Variants in DYNC1I1 observed in about 807,000 individuals in gnomAD.
The protein encoded by DYNC1I1 is dynein cytoplasmic 1 intermediate chain 1.
Under a neutral mutation model 86.6 loss-of-function variants are expected in DYNC1I1, and 43 were observed. That is an observed-to-expected ratio of 0.50 (90% CI 0.39 to 0.64). The LOEUF is 0.64. Among genes scored for constraint, DYNC1I1 ranks in the 30% least tolerant of loss-of-function variants. The pLI is 0.00. For missense variants in DYNC1I1, 604 were observed against 788.8 expected (o/e 0.77, Z 2.81); for synonymous variants, 262 against 283.7 (o/e 0.92, Z 0.77).
At chr7:95,827,076 C>T (rs562172890) in intron 4 of DYNC1I1, among the ~76,000 whole-genome samples, 1 of 152,044 alleles carries the variant, frequency 6.6e-6, no homozygotes. Flanking sequence ...CAACAAACTC[C>T]CAAGAGATGT....
At chr7:95,941,572 CAGTG>C (rs1343524372) in intron 6 of DYNC1I1, among the ~76,000 whole-genome samples, 10 of 152,214 alleles carry the variant, frequency 6.6e-5, no homozygotes, top group African/African-American at 2.4e-4. Flanking sequence ...TGCTAGCAAT[CAGTG>C]AGATTCCATG....
chr7:95,973,774 C>A (rs969291924), intron 6 of DYNC1I1, among the ~76,000 whole-genome samples: 2 of 151,986 alleles, frequency 1.3e-5, no homozygotes, highest in African/African-American at 4.8e-5. Context: ...AAATAAACAC[C>A]CTTATAGCTG....
intron 6 of DYNC1I1, among the ~76,000 whole-genome samples, chr7:95,900,477 T>A (rs1026232809): frequency 1.3e-5 from 2 of 152,120 alleles, no homozygotes; most frequent in Admixed American, 1.3e-4. Flanking sequence ...TATCTGGGGT[T>A]TGCTGGAGAA....
At chr7:95,883,029 C>G (rs146875496) in intron 6 of DYNC1I1, among the ~76,000 whole-genome samples, 1 of 152,008 alleles carries the variant, frequency 6.6e-6, no homozygotes, top group Non-Finnish European at 1.5e-5. Context: ...CATCCCTGTC[C>G]GGGTTTCCTA....
intron 6 of DYNC1I1, among the ~76,000 whole-genome samples, chr7:95,882,416 T>C (rs978309029): frequency 6.6e-6 from 1 of 152,164 alleles, no homozygotes; most frequent in Non-Finnish European, 1.5e-5. Context: ...AGATGCACCA[T>C]ATTTCTTAAA....
At chr7:95,987,848 G>T (rs967943569) in intron 9 of DYNC1I1, among the ~76,000 whole-genome samples, 2 of 152,098 alleles carry the variant, frequency 1.3e-5, no homozygotes, top group African/African-American at 2.4e-5. Flanking sequence ...TATATGATCT[G>T]TATGTTAAAG....
intron 5 of DYNC1I1, among the ~76,000 whole-genome samples, chr7:95,835,940 T>A (rs987736894): frequency 5.3e-5 from 8 of 152,378 alleles, no homozygotes; most frequent in African/African-American, 1.9e-4. Flanking sequence ...TGCCAGTCTG[T>A]ATCTTTTAAT....
At chr7:95,798,926 T>C (rs1472155605) in intron 1 of DYNC1I1, among the ~76,000 whole-genome samples, 1 of 152,228 alleles carries the variant, frequency 6.6e-6, no homozygotes, top group Admixed American at 6.5e-5. Context: ...TTCCTTTCTC[T>C]ATGGATATAT....
intron 6 of DYNC1I1, among the ~76,000 whole-genome samples, chr7:95,937,018 A>G (rs991219580): frequency 1.3e-5 from 2 of 149,138 alleles, no homozygotes; most frequent in African/African-American, 4.9e-5. Context: ...ACAAAAAAAG[A>G]AGAAATTTGC....
intron 14 of DYNC1I1, among the ~76,000 whole-genome samples, chr7:96,072,900 A>G (rs2116230842): frequency 6.6e-6 from 1 of 152,306 alleles, no homozygotes; most frequent in Non-Finnish European, 1.5e-5. Flanking sequence ...TTTTTTAATC[A>G]GGTCTTCAGA....
chr7:95,964,497 C>T (rs1207914519), intron 6 of DYNC1I1, among the ~76,000 whole-genome samples: 1 of 152,176 alleles, frequency 6.6e-6, no homozygotes, highest in Non-Finnish European at 1.5e-5. Context: ...TATCACCCAA[C>T]AAACATTCAT....
intron 14 of DYNC1I1, among the ~76,000 whole-genome samples, chr7:96,051,111 G>T (rs553622316): frequency 1.6e-4 from 24 of 152,252 alleles, no homozygotes; most frequent in African/African-American, 5.3e-4. Context: ...CTGTGCTGCA[G>T]TTTAGTTTAG....
chr7:96,028,142 G>GCATCTCTCT (rs1326806783), intron 10 of DYNC1I1, 33 bp from the exon 11 acceptor site: 2 of 1,603,602 alleles, frequency 1.2e-6, no homozygotes, highest in African/African-American at 1.3e-5. Context: ...ATTTCACATT[G>GCATCTCTCT]CATCTCTCTC....
intron 6 of DYNC1I1, among the ~76,000 whole-genome samples, chr7:95,958,798 G>A (rs1436057385): frequency 1.3e-5 from 2 of 152,166 alleles, no homozygotes; most frequent in Non-Finnish European, 2.9e-5. Flanking sequence ...CCCAAAATAT[G>A]CCTTAATGAA....
At chr7:95,851,693 T>G (rs1789583639) in intron 5 of DYNC1I1, among the ~76,000 whole-genome samples, 1 of 152,018 alleles carries the variant, frequency 6.6e-6, no homozygotes, top group African/African-American at 2.4e-5. Context: ...GACCAGAGTT[T>G]CGCTCTTGTT....
intron 14 of DYNC1I1, among the ~76,000 whole-genome samples, chr7:96,042,031 ACT>A (rs1468638215): frequency 2.6e-5 from 4 of 152,136 alleles, no homozygotes; most frequent in Admixed American, 6.6e-5. Context: ...TGACTTTAAA[ACT>A]CTGTATGTTT....
intron 6 of DYNC1I1, among the ~76,000 whole-genome samples, chr7:95,947,595 A>T (rs1371405414): frequency 6.6e-6 from 1 of 151,934 alleles, no homozygotes; most frequent in East Asian, 1.9e-4. Flanking sequence ...CATGTGTGTT[A>T]CTCACTCCAC....
chr7:95,871,766 T>A (rs1354455613), intron 6 of DYNC1I1, among the ~76,000 whole-genome samples: 1 of 152,134 alleles, frequency 6.6e-6, no homozygotes, highest in Non-Finnish European at 1.5e-5. Flanking sequence ...CAAGGAGAGC[T>A]TGGGAGCCCT....
At chr7:96,102,511 C>T (rs1412832821), downstream of DYNC1I1, among the ~76,000 whole-genome samples, 1 of 152,170 alleles carries the variant, frequency 6.6e-6, no homozygotes, top group Non-Finnish European at 1.5e-5. Context: ...AGAGCCCCCA[C>T]CACAAAGAAG....
Sources: allele counts gnomAD v4.1 joint callset (sites outside exome capture counted in the v4.1 genomes callset), GRCh38; gene constraint gnomAD v4.1.1; transcripts MANE v1.5; gene names NCBI Gene and HGNC (gene_info 2026-07-23, HGNC 2026-07-21).